MATK: variants seen among roughly 807,000 people sequenced by gnomAD.
The protein encoded by MATK is megakaryocyte-associated tyrosine-protein kinase.
MATK carries 41 observed loss-of-function variants against 59.8 expected under a neutral mutation model. The observed-to-expected ratio is 0.69, with a 90% CI of 0.53 to 0.89. MATK has a LOEUF of 0.89. Ranked by LOEUF, MATK falls within the 40% of genes least tolerant of loss-of-function variation. MATK has a pLI of 0.00. For missense variants in MATK, 593 were observed against 719.6 expected, an observed-to-expected ratio of 0.82 and a Z score of 2.01; for synonymous variants, 308 against 306.1, an observed-to-expected ratio of 1.01 and a Z score of -0.06.
chr19:3,779,670 C>T (rs754407260), intron 9 of MATK, 28 bp downstream of exon 9: 10 of 1,611,296 alleles, frequency 6.2e-6, no homozygotes, highest in African/African-American at 2.7e-5. Flanking sequence ...CCCCGTCCCA[C>T]GGTCCCCAGC....
In MATK at chr19:3,779,544, GCTC is replaced by G; in HGVS notation, c.913_915del (p.Glu305del). ...GGGCCCCGCCCCACCTTGCTCACGTGCTCCATGACAATGTACAGCCCCTGGTGC... is the reference window on the plus strand; with the variant it reads ...GGGCCCCGCCCCACCTTGCTCACGTGCATGACAATGTACAGCCCCTGGTGC... On this transcript the variant is annotated inframe_deletion, in exon 10 of 14. Transcript: ENST00000310132. The G allele has an allele frequency of 6.2e-7, 1 of 1,611,666 alleles. No homozygotes were observed. Among genetic ancestry groups the G allele is most frequent in the Non-Finnish European group, 8.5e-7 (1 of 1,179,318 alleles).
At chr19:3,798,473 T>C (rs1335063719) in intron 1 of MATK, among the ~76,000 whole-genome samples, 1 of 152,194 alleles carries the variant, frequency 6.6e-6, no homozygotes, top group Admixed American at 6.6e-5. Flanking sequence ...CACAAGAGGT[T>C]AGACATCTGG....
upstream of MATK, chr19:3,789,350 G>A: frequency 3.9e-6 from 3 of 772,546 alleles, no homozygotes; most frequent in Middle Eastern, 2.3e-4. Context: ...CCCTGCATGA[G>A]AGGGACATTT....
rs1398346844 is a variant in MATK, at chr19:3,786,223, C to T, written c.-206G>A. ...CCGCGCCCGCCCCCAGGAGGGCCTCCGCGAGCCGGCTGCACACCCCGAGGC... is the reference window on the plus strand; with the variant it reads ...CCGCGCCCGCCCCCAGGAGGGCCTCTGCGAGCCGGCTGCACACCCCGAGGC... On this transcript the variant is annotated 5_prime_UTR_variant, in exon 1 of 14. Transcript: ENST00000310132. This position sits in a 1 kb window ranked among gnomAD's most constrained non-coding sequence, Gnocchi z 4.1. The T allele has an allele frequency of 2.0e-6, 2 of 984,408 alleles. No individual in the cohort carries two copies. The highest frequency in any genetic ancestry group is 2.4e-6 in the Non-Finnish European group (2 of 829,266). 61.0% of individuals were successfully genotyped at this position (984,408 alleles called of 1,614,324 possible).
chr19:3,791,550 C>G (rs1301467797), intron 1 of MATK, among the ~76,000 whole-genome samples: 1 of 151,806 alleles, frequency 6.6e-6, no homozygotes, highest in Non-Finnish European at 1.5e-5. Context: ...ACCATGTTGG[C>G]CAGGCTGGTC....
chr19:3,785,584 T>C, intron 1 of MATK: 1 of 232,322 alleles, frequency 4.3e-6, no homozygotes, highest in Non-Finnish European at 8.7e-6. Context: ...GCGCCTCCCA[T>C]GAAATCCTCC....
chr19:3,779,082 G>A lies in MATK; in HGVS notation c.1107C>T (p.Ser369=), dbSNP rs1292871754. The A allele has an allele frequency of 4.3e-6, 7 of 1,609,344 alleles. No individual in the cohort carries two copies. The East Asian group carries it at 1.1e-4, about 26-fold the overall frequency. ...GCTCGGCTTTGGCCAGGCCAAAGTCGCTGACCTTGGCCACCAGGTCCTCTG... is the reference window on the plus strand; with the variant it reads ...GCTCGGCTTTGGCCAGGCCAAAGTCACTGACCTTGGCCACCAGGTCCTCTG... The part of the protein sequence containing the change: ...LVSEDLVAKV[S]DFGLAKAERK... The change falls in exon 12 of 14, where the codon AGC becomes AGT. Residue 369 remains serine (S), a synonymous_variant. Coordinates refer to ENST00000310132, the MANE Select transcript of MATK (RefSeq NM_139355.3).
Position 3,797,267 on chromosome 19 carries a change from C to T in MATK, c.-58+4265G>A, listed in dbSNP as rs1013391213. On this transcript the variant is annotated intron_variant, in intron 1 of 13. Transcript: ENST00000395045. ...CCCCACTTTCTACTTTTTCTTCCAA[C>T]CCTTCTATTGACATTTTAATTTTGA... Among the ~76,000 whole-genome samples, 3 of 120,814 alleles carry T rather than the reference C, an allele frequency of 2.5e-5. No homozygotes were observed. The Admixed American group carries it at 3.1e-4, about 12-fold the overall frequency. The allele number at this position is 120,814 out of a possible 152,430, so 79.3% of individuals were successfully genotyped here.
At chr19:3,791,430 C>A (rs920459783) in intron 1 of MATK, among the ~76,000 whole-genome samples, 3 of 151,538 alleles carry the variant, frequency 2.0e-5, no homozygotes, top group Admixed American at 2.0e-4. Context: ...GCAAACTCTG[C>A]CTCCCGGGTT....
chr19:3,791,157 A>C (rs890335100), upstream of MATK, among the ~76,000 whole-genome samples: 2 of 152,118 alleles, frequency 1.3e-5, no homozygotes, highest in African/African-American at 4.8e-5. Flanking sequence ...TGGGGAGTTA[A>C]AATTAACAGA....
intron 1 of MATK, among the ~76,000 whole-genome samples, chr19:3,800,627 C>T (rs944323680): frequency 5.9e-5 from 9 of 151,524 alleles, no homozygotes; most frequent in Admixed American, 1.3e-4. Context: ...GCCTGGGCAA[C>T]GGGAGCAAAA....
At chr19:3,796,383 A>C (rs188982757) in intron 1 of MATK, among the ~76,000 whole-genome samples, 27 of 152,258 alleles carry the variant, frequency 1.8e-4, no homozygotes, top group Non-Finnish European at 3.4e-4. Context: ...TTGACTTCCT[A>C]TTCCAGAAGG....
chr19:3,785,560 G>C, intron 1 of MATK: 1 of 246,876 alleles, frequency 4.1e-6, no homozygotes, highest in East Asian at 1.0e-4. Context: ...GGTGAGTCTC[G>C]GCCCCTCCAA....
At chr19:3,786,443 C>T (rs1169184508), upstream of MATK, 5 of 968,008 alleles carry the variant, frequency 5.2e-6, no homozygotes, top group Non-Finnish European at 6.1e-6. The surrounding 1 kb of genome is among the most constrained non-coding windows in gnomAD (Gnocchi z 4.1). Flanking sequence ...CCGCGGCCCC[C>T]GGCGCCTCCC....
Position 3,778,127 on chromosome 19 carries a change from A to C in MATK, c.*56T>G, listed in dbSNP as rs2145743303. ...CTCCTTGGGCCTGGTCAGTGCCCCC[A>C]CGCCGCACTCTCCACTCTCTCGGTC... On this transcript the variant is annotated 3_prime_UTR_variant, in exon 14 of 14. Transcript: ENST00000310132. 1.3e-6 allele frequency: 2 copies of C among 1,518,006 alleles called. No homozygotes were observed. Among genetic ancestry groups the C allele is most frequent in the African/African-American group, 2.8e-5 (2 of 71,260 alleles). 94.0% of individuals were successfully genotyped at this position (1,518,006 alleles called of 1,614,324 possible).
In MATK at chr19:3,783,873, CGCGGT is replaced by C; in HGVS notation, c.518_522del (p.His173ArgfsTer8). The C allele has an allele frequency of 6.2e-7, 1 of 1,613,192 alleles. No homozygotes were observed. The highest frequency in any genetic ancestry group is 8.5e-7 in the Non-Finnish European group (1 of 1,179,874). The stretch of plus-strand genomic sequence containing the variant: ...GCCTCATCGATTGTGAGGTGGCCGT[CGCGGT>C]GCAGCACGCGGTAGTGGATGACGTC... On this transcript the variant is annotated frameshift_variant, in exon 6 of 14. Transcript: ENST00000310132. LOFTEE classifies it high-confidence loss of function.
upstream of MATK, among the ~76,000 whole-genome samples, chr19:3,786,777 G>A (rs186681233): frequency 1.6e-3 from 243 of 152,196 alleles, 1 homozygote; most frequent in African/African-American, 5.6e-3. The surrounding 1 kb of genome is among the most constrained non-coding windows in gnomAD (Gnocchi z 4.1). Context: ...AATGTCAGCC[G>A]CTATCAATAT....
chr19:3,795,605 AT>A (rs1364071542), intron 1 of MATK, among the ~76,000 whole-genome samples: 2 of 151,720 alleles, frequency 1.3e-5, no homozygotes, highest in African/African-American at 4.8e-5. Context: ...TATTGATTCC[AT>A]TTTCCTCCAA....
chr19:3,791,143 G>A (rs2037537576), upstream of MATK, among the ~76,000 whole-genome samples: 1 of 152,100 alleles, frequency 6.6e-6, no homozygotes, highest in East Asian at 1.9e-4. Context: ...AATAGTACCA[G>A]AAGTGGGGAG....
Sources: allele counts gnomAD v4.1 joint callset (sites outside exome capture counted in the v4.1 genomes callset), GRCh38; gene constraint gnomAD v4.1.1; non-coding constraint Gnocchi (gnomAD v3.1); transcripts MANE v1.5; gene names NCBI Gene and HGNC (gene_info 2026-07-23, HGNC 2026-07-21).